Variants in ANK2 observed in about 807,000 individuals in gnomAD.
The protein encoded by ANK2 is ankyrin 2, also known as ankyrin-2.
A neutral mutation model predicts 360.5 loss-of-function variants in ANK2; 83 were observed. The ratio of observed to expected loss-of-function variants is 0.23; its 90% CI spans 0.19 to 0.28. ANK2 has a LOEUF of 0.28. Ranked by LOEUF, ANK2 falls within the 10% of genes least tolerant of loss-of-function variation. The probability of loss-of-function intolerance (pLI) is 1.00; values close to 1 mark genes in which losing one functional copy is unlikely to be tolerated. For synonymous variants in ANK2, 1,740 were observed against 1,759.5 expected (o/e 0.99, Z 0.28); for missense variants, 4,201 against 4,795.7 (o/e 0.88, Z 3.66).
intron 10 of ANK2, 73 bp downstream of exon 10, chr4:113,249,935 TA>T (rs1192591967): frequency 1.4e-5 from 20 of 1,381,384 alleles, no homozygotes; most frequent in Non-Finnish European, 2.0e-5. Context: ...TATTCTTTTT[TA>T]AATTGAAACA....
At chr4:113,161,695 C>CGTGT (rs56162406) in intron 1 of ANK2, among the ~76,000 whole-genome samples, 1,935 of 144,796 alleles carry the variant, frequency 0.013, 16 homozygotes, top group African/African-American at 0.019. Context: ...GTTTTAGTCT[C>CGTGT]GTGTGTGTGT....
At chr4:113,208,556 G>T (rs1261642540) in intron 4 of ANK2, among the ~76,000 whole-genome samples, 1 of 151,940 alleles carries the variant, frequency 6.6e-6, no homozygotes, top group Non-Finnish European at 1.5e-5. Context: ...AAGCTGGAGT[G>T]CAGTGGCATG....
chr4:113,255,018 C>T (rs184522339), intron 10 of ANK2, among the ~76,000 whole-genome samples: 36 of 152,258 alleles, frequency 2.4e-4, no homozygotes, highest in Middle Eastern at 6.8e-3. Context: ...ATGAACAGTG[C>T]ATTACCCTGC....
chr4:113,072,765 T>TTTTTTTTTTTTTTTTTTTTTTTTTG (rs142762570), intron 1 of ANK2, among the ~76,000 whole-genome samples: 1 of 121,194 alleles, frequency 8.3e-6, no homozygotes. Flanking sequence ...TTTTTTTTTT[T>TTTTTTTTTTTTTTTTTTTTTTTTTG]GCTGTCTTGT....
intron 3 of ANK2, among the ~76,000 whole-genome samples, chr4:113,197,502 A>C (rs1299406967): frequency 4.6e-5 from 7 of 152,248 alleles, no homozygotes; most frequent in African/African-American, 9.6e-5. Flanking sequence ...GAATGTGATA[A>C]TATGGCTGTG....
intron 2 of ANK2, 76 bp from the exon 3 acceptor site, chr4:113,196,292 A>G (rs1044201935): frequency 1.8e-6 from 2 of 1,104,806 alleles, no homozygotes; most frequent in African/African-American, 3.1e-5. Context: ...TCTCTGGGTT[A>G]TATGCTTGAG....
At chr4:112,712,039 TAC>T in the ANK2 span, among the ~76,000 whole-genome samples, 34 of 147,806 alleles carry the variant, frequency 2.3e-4, no homozygotes, top group Non-Finnish European at 2.4e-4. Flanking sequence ...GTTACATACA[TAC>T]ACACACACAC....
chr4:113,364,946 A>G, intron 40 of ANK2, 93 bp from the exon 41 acceptor site: 2 of 1,468,982 alleles, frequency 1.4e-6, no homozygotes, highest in Non-Finnish European at 1.9e-6. Flanking sequence ...TTTTTTCTGT[A>G]CAGATATCAA....
At chr4:113,050,035 G>T (rs1401353873) in intron 1 of ANK2, among the ~76,000 whole-genome samples, 1 of 152,232 alleles carries the variant, frequency 6.6e-6, no homozygotes, top group East Asian at 1.9e-4. Context: ...GGAGCATGGT[G>T]AAGTGAATAG....
chr4:113,015,970 T>A (rs1356289676), intron 2 of ANK2, among the ~76,000 whole-genome samples: 4 of 152,200 alleles, frequency 2.6e-5, no homozygotes, highest in Non-Finnish European at 4.4e-5. Flanking sequence ...GAAAGAAAGA[T>A]GTAAAACCAT....
intron 4 of ANK2, among the ~76,000 whole-genome samples, chr4:113,217,974 C>G (rs2099105677): frequency 6.6e-6 from 1 of 152,232 alleles, no homozygotes; most frequent in Non-Finnish European, 1.5e-5. Context: ...CATCTCAGCA[C>G]TGTCTGGGCA....
intron 1 of ANK2, among the ~76,000 whole-genome samples, chr4:113,053,374 A>T (rs1286052229): frequency 6.6e-6 from 1 of 152,190 alleles, no homozygotes; most frequent in African/African-American, 2.4e-5. Flanking sequence ...GATACTTCCA[A>T]CAAAGTTTTC....
Position 113,294,143 on chromosome 4 carries a change from C to T in ANK2, c.2475+605C>T, listed in dbSNP as rs1201295148. On this transcript the variant is annotated intron_variant, in intron 22 of 45. Transcript: ENST00000357077. ...TCTGTTTTGAATACAACTGCTGACT[C>T]TTCATGACAAATCAGTGATTATCAC... 2.6e-5 allele frequency among the ~76,000 whole-genome samples: 4 copies of T among 152,320 alleles called. No individual in the cohort carries two copies. The South Asian group carries it at 6.2e-4, about 24-fold the overall frequency.
chr4:113,335,821 G>A (rs868564276), intron 29 of ANK2, 25 bp from the exon 30 acceptor site: 1 of 1,599,318 alleles, frequency 6.3e-7, no homozygotes, highest in Non-Finnish European at 8.6e-7. Context: ...CTATGTGAAT[G>A]AAGGTGGGTC....
At chr4:113,246,668 T>C (rs575659840) in intron 9 of ANK2, among the ~76,000 whole-genome samples, 34 of 152,276 alleles carry the variant, frequency 2.2e-4, no homozygotes, top group African/African-American at 8.2e-4. Flanking sequence ...CATTAAAGGA[T>C]GATGAACAAA....
rs138596569 is a variant in ANK2 at position 112,989,372 on chromosome 4, A to G, written c.21+84858A>G. On this transcript the variant is annotated intron_variant, in intron 2 of 30. Transcript: ENST00000503271. Reference sequence around the variant, plus strand: ...TGAAGTCTGTAGACACAAACATACGATAAAACATGTGCTCTTACTGATTCA... The same window carrying G: ...TGAAGTCTGTAGACACAAACATACGGTAAAACATGTGCTCTTACTGATTCA... Among the ~76,000 whole-genome samples, 660 of 152,342 alleles carry G rather than the reference A, an allele frequency of 4.3e-3. 7 individuals carry two copies. The highest frequency in any genetic ancestry group is 0.015 in the African/African-American group (621 of 41,566).
At chr4:113,306,220 A>G (rs1205340355) in intron 23 of ANK2, among the ~76,000 whole-genome samples, 1 of 152,206 alleles carries the variant, frequency 6.6e-6, no homozygotes, top group East Asian at 1.9e-4. Context: ...TTTCATATCC[A>G]CTTGGGGAGA....
upstream of ANK2, among the ~76,000 whole-genome samples, chr4:113,048,788 G>A (rs1174112230): frequency 6.6e-6 from 1 of 151,912 alleles, no homozygotes; most frequent in Non-Finnish European, 1.5e-5. Flanking sequence ...ATAAAATATT[G>A]CAACTCCATT....
At chr4:112,936,595 C>T (rs750480537) in intron 2 of ANK2, among the ~76,000 whole-genome samples, 6 of 152,126 alleles carry the variant, frequency 3.9e-5, no homozygotes, top group African/African-American at 7.2e-5. Flanking sequence ...CTGCCTGCCT[C>T]GGCTTCCCAA....
Sources: allele counts gnomAD v4.1 joint callset (sites outside exome capture counted in the v4.1 genomes callset), GRCh38; gene constraint gnomAD v4.1.1; transcripts MANE v1.5; gene names NCBI Gene and HGNC (gene_info 2026-07-23, HGNC 2026-07-21).